SBNO1: variants seen among roughly 807,000 people sequenced by gnomAD.
The protein encoded by SBNO1 is protein strawberry notch homolog 1.
Under a neutral mutation model 173.6 loss-of-function variants are expected in SBNO1, and 23 were observed. The observed-to-expected ratio is 0.13, with a 90% confidence interval of 0.10 to 0.19. The LOEUF is 0.19. Ranked by LOEUF, SBNO1 falls within the 10% of genes least tolerant of loss-of-function variation. The pLI, the probability that SBNO1 is intolerant of heterozygous loss-of-function variation, is 1.00. For missense variants in SBNO1, 1,238 were observed against 1,671.2 expected, an observed-to-expected ratio of 0.74 and a Z score of 4.52; for synonymous variants, 632 against 571.5, an observed-to-expected ratio of 1.11 and a Z score of -1.51.
intron 10 of SBNO1, 102 bp from the exon 11 acceptor site, chr12:123,328,129 C>A (rs1221658605): frequency 2.2e-6 from 2 of 902,080 alleles, no homozygotes; most frequent in Non-Finnish European, 3.3e-6. Context: ...CTTCTGATTG[C>A]CTATTTCATG....
chr12:123,295,785 AAACT>A lies in SBNO1; in HGVS notation c.*119_*122del. The stretch of plus-strand genomic sequence containing the variant: ...TCCAGGTTTGTCCTTACTCCCAAAA[AAACT>A]AACTAGAGAGCACAACTGAAAAAAA... On this transcript the variant is annotated 3_prime_UTR_variant, in exon 32 of 32. Transcript: ENST00000602398. 2 of 1,362,616 alleles carry A rather than the reference AAACT, an allele frequency of 1.5e-6. No individual in the cohort carries two copies. Among genetic ancestry groups the A allele is most frequent in the Non-Finnish European group, 1.0e-6 (1 of 999,718 alleles). The allele number at this position is 1,362,616 out of a possible 1,614,324, so 84.4% of individuals were successfully genotyped here.
chr12:123,358,003 T>C (rs1874659428), intron 1 of SBNO1, among the ~76,000 whole-genome samples: 1 of 152,238 alleles, frequency 6.6e-6, no homozygotes, highest in African/African-American at 2.4e-5. Context: ...TCAATTGTCT[T>C]GATTCTCACT....
chr12:123,350,232 C>T lies in SBNO1; in HGVS notation c.132+78G>A, dbSNP rs375281965. 17 of 1,535,556 alleles carry T rather than the reference C, an allele frequency of 1.1e-5. No homozygotes were observed. In the East Asian group the frequency reaches 3.6e-4, roughly 33 times the overall value. On this transcript the variant is annotated intron_variant, in intron 2 of 31. Coordinates refer to ENST00000602398, the MANE Select transcript of SBNO1 (RefSeq NM_001167856.3). ...CTGCACCACTGCACCCCAGCCTGGG[C>T]CACAGAGTGAGACTATCTTAAAAAA...
chr12:123,333,996 C>A, intron 7 of SBNO1, 57 bp downstream of exon 7: 1 of 1,140,314 alleles, frequency 8.8e-7, no homozygotes, highest in South Asian at 2.0e-5. Flanking sequence ...ATTGAAACAA[C>A]TCTGTTATAT....
Position 123,350,282 on chromosome 12 carries a change from A to C in SBNO1, c.132+28T>G, listed in dbSNP as rs546734627. The C allele has an allele frequency of 2.0e-5, 33 of 1,610,796 alleles. No individual in the cohort carries two copies. The African/African-American group carries it at 3.1e-4, about 15-fold the overall frequency. The stretch of plus-strand genomic sequence containing the variant: ...AAAATACTGTAAGCGGAAATCACTA[A>C]GAAAGAGAGGCTTTGGAAAACTCTT... On this transcript the variant is annotated intron_variant, in intron 2 of 31. Transcript: ENST00000602398.
chr12:123,348,046 C>T lies in SBNO1; in HGVS notation c.220G>A (p.Ala74Thr), dbSNP rs781165452. The stretch of plus-strand genomic sequence containing the variant: ...ATTCTTACCCTCACATTTAATAGTG[C>T]TGGAGTAGGTACAGTCTCTGGTTCT... ...KQEPETVPTP[A>T]LLNVRQQPPS... is the part of the protein sequence containing the mutation. The change falls in exon 3 of 32, where the codon GCA becomes ACA. Residue 74 changes from alanine (A) to threonine (T), a missense_variant. Physicochemically the swap from Ala to Thr is moderately conservative, Grantham distance 58. Around this residue, in one of 14 missense-constraint regions of SBNO1, gnomAD observed 287 missense variants for 274.1 expected, o/e 1.05. Coordinates refer to ENST00000602398, the MANE Select transcript of SBNO1 (RefSeq NM_001167856.3). 39 of 1,602,676 alleles carry T rather than the reference C, an allele frequency of 2.4e-5. No individual in the cohort carries two copies. Among genetic ancestry groups the T allele is most frequent in the Non-Finnish European group, 3.3e-5 (39 of 1,170,280 alleles).
At chr12:123,322,329 C>CT (rs1478365087) in intron 16 of SBNO1, among the ~76,000 whole-genome samples, 2 of 151,872 alleles carry the variant, frequency 1.3e-5, no homozygotes, top group Admixed American at 1.3e-4. Flanking sequence ...AGTGTCTACT[C>CT]TGTCTCCCAG....
At position 123,293,214 on chromosome 12, in the gene SBNO1, G is replaced by C. The variant is rs919624690; in HGVS notation, c.*2694C>G. ...CTGCAATGAATGGACCTATTTTACA[G>C]AAGTCAGCGGCAAATTTTTTGTATT... is the stretch of plus-strand genomic sequence containing the variant. On this transcript the variant is annotated 3_prime_UTR_variant, in exon 32 of 32. Coordinates refer to ENST00000602398, the MANE Select transcript of SBNO1 (RefSeq NM_001167856.3). The C allele has an allele frequency of 1.3e-5, 2 of 152,178 alleles. No homozygotes were observed. The highest frequency in any genetic ancestry group is 4.8e-5 in the African/African-American group (2 of 41,456). 9.4% of individuals were successfully genotyped at this position (152,178 alleles called of 1,614,324 possible). A position where few individuals can be genotyped will look rare whatever the true frequency, so the allele number is the denominator to read the frequency against.
rs1188801485 is a variant in SBNO1 at position 123,328,287 on chromosome 12, G to A, written c.1297-260C>T. Among the ~76,000 whole-genome samples the A allele has an allele frequency of 2.0e-5, 3 of 152,196 alleles. No individual in the cohort carries two copies. In the East Asian group the frequency reaches 5.8e-4, roughly 29 times the overall value. On this transcript the variant is annotated intron_variant, in intron 10 of 31. Transcript: ENST00000602398. ...AGAAAAGAACCCACTGCAGCAAGAA[G>A]TTGTTATCTGGTAACTTGTAAAAGT... is the stretch of plus-strand genomic sequence containing the variant.
chr12:123,334,233 C>A lies in SBNO1; in HGVS notation c.749-20G>T. ...TTTTTACTAAACAAAAATGTAAAAA[C>A]ATTTTATTTTAATTATTCTAAGTAA... On this transcript the variant is annotated intron_variant, in intron 6 of 31. Transcript: ENST00000602398. 1 of 1,448,002 alleles carries A rather than the reference C, an allele frequency of 6.9e-7. No individual in the cohort carries two copies. Among genetic ancestry groups the A allele is most frequent in the Admixed American group, 2.2e-5 (1 of 45,290 alleles). 89.7% of individuals were successfully genotyped at this position (1,448,002 alleles called of 1,614,324 possible). A position where few individuals can be genotyped will look rare whatever the true frequency, so the allele number is the denominator to read the frequency against.
chr12:123,332,544 A>G (rs1374825111), intron 7 of SBNO1, among the ~76,000 whole-genome samples: 1 of 150,160 alleles, frequency 6.7e-6, no homozygotes, highest in African/African-American at 2.5e-5. Context: ...CGCCAGCTTC[A>G]GCCTCCCAAA....
chr12:123,320,924 CA>C, intron 17 of SBNO1, 58 bp from the exon 18 acceptor site: 1 of 1,312,824 alleles, frequency 7.6e-7, no homozygotes, highest in Non-Finnish European at 1.0e-6. Context: ...ACAGAATCTT[CA>C]AAGGAAACAA....
intron 2 of SBNO1, chr12:123,349,029 A>G (rs1002855950): frequency 6.7e-6 from 1 of 148,788 alleles, no homozygotes; most frequent in East Asian, 1.9e-4. Flanking sequence ...CAGTCGGAGT[A>G]GAGGAGAAAC....
At chr12:123,328,684 A>G (rs1870852557) in intron 10 of SBNO1, 50 bp downstream of exon 10, 5 of 1,368,198 alleles carry the variant, frequency 3.7e-6, no homozygotes, top group Non-Finnish European at 4.9e-6. Context: ...CTACCCTTTT[A>G]TAATTTTCTT....
intron 1 of SBNO1, among the ~76,000 whole-genome samples, chr12:123,352,304 A>G (rs1351762471): frequency 3.3e-5 from 5 of 152,220 alleles, no homozygotes; most frequent in Non-Finnish European, 5.9e-5. Context: ...CAAAAATGGC[A>G]TTAGCCAAGA....
At chr12:123,311,427 C>A (rs917123803) in intron 24 of SBNO1, among the ~76,000 whole-genome samples, 1 of 151,580 alleles carries the variant, frequency 6.6e-6, no homozygotes, top group African/African-American at 2.4e-5. Flanking sequence ...CAGGCTGGAG[C>A]GCAGTGCGCG....
intron 15 of SBNO1, 48 bp downstream of exon 15, chr12:123,325,453 AG>A (rs1349766156): frequency 7.6e-7 from 1 of 1,316,330 alleles, no homozygotes; most frequent in East Asian, 2.3e-5. Context: ...AACTAAGGTA[AG>A]GAAGAACTCA....
chr12:123,295,523 G>A lies in SBNO1; in HGVS notation c.*385C>T, dbSNP rs1234406943. 1.8e-5 allele frequency: 3 copies of A among 168,054 alleles called. No homozygotes were observed. Among genetic ancestry groups the A allele is most frequent in the Non-Finnish European group, 3.9e-5 (3 of 77,648 alleles). 10.4% of individuals were successfully genotyped at this position (168,054 alleles called of 1,614,324 possible). ...CACAGCAATGGCATGGATGTACTGC[G>A]TTAACCCTGAGCACTGTATAAACAT... On this transcript the variant is annotated 3_prime_UTR_variant, in exon 32 of 32. Coordinates refer to ENST00000602398, the MANE Select transcript of SBNO1 (RefSeq NM_001167856.3).
chr12:123,301,851 C>T (rs891937017), intron 30 of SBNO1, among the ~76,000 whole-genome samples: 1 of 151,942 alleles, frequency 6.6e-6, no homozygotes, highest in Non-Finnish European at 1.5e-5. Context: ...TGTACTCCAG[C>T]CTAGGTGATA....
Sources: allele counts gnomAD v4.1 joint callset (sites outside exome capture counted in the v4.1 genomes callset), GRCh38; gene constraint gnomAD v4.1.1; regional missense constraint gnomAD v4.1.1; transcripts MANE v1.5; gene names NCBI Gene and HGNC (gene_info 2026-07-23, HGNC 2026-07-21).